ZNF644: variants seen among roughly 807,000 people sequenced by gnomAD.
The protein encoded by ZNF644 is zinc finger protein 644.
ZNF644 carries 20 observed loss-of-function variants against 108.0 expected under a neutral mutation model. That is an observed-to-expected ratio of 0.19 (90% confidence interval 0.13 to 0.27). The LOEUF is 0.27. ZNF644 is among the 10% of genes least tolerant of loss of function. The pLI, the probability that ZNF644 is intolerant of heterozygous loss-of-function variation, is 1.00. For synonymous variants in ZNF644, 542 were observed against 539.1 expected (o/e 1.01, Z -0.08); for missense variants, 1,338 against 1,548.9 (o/e 0.86, Z 2.29).
chr1:91,002,135 A>G (rs1255761145), intron 1 of ZNF644, among the ~76,000 whole-genome samples: 3 of 152,204 alleles, frequency 2.0e-5, no homozygotes, highest in Admixed American at 1.3e-4. Context: ...TGCCATCCCC[A>G]ACAAGCTACC....
At chr1:91,017,064 C>T (rs1310364266) in intron 1 of ZNF644, among the ~76,000 whole-genome samples, 1 of 152,162 alleles carries the variant, frequency 6.6e-6, no homozygotes, top group Non-Finnish European at 1.5e-5. Context: ...AACTCCTGAC[C>T]TCAAGTGATC....
At chr1:90,968,727 T>G (rs1465754692) in intron 2 of ZNF644, among the ~76,000 whole-genome samples, 1 of 152,314 alleles carries the variant, frequency 6.6e-6, no homozygotes, top group South Asian at 2.1e-4. Context: ...GAAGGTATAC[T>G]GTAACTCCCT....
chr1:90,957,547 A>G (rs1264286133), intron 2 of ZNF644, among the ~76,000 whole-genome samples: 2 of 152,254 alleles, frequency 1.3e-5, no homozygotes, highest in Non-Finnish European at 2.9e-5. Context: ...ATCTCAATGG[A>G]TGCAGAAAAA....
chr1:91,001,893 CAGAG>C (rs1304096413), intron 1 of ZNF644, among the ~76,000 whole-genome samples: 6 of 152,070 alleles, frequency 3.9e-5, no homozygotes, highest in African/African-American at 1.2e-4. Flanking sequence ...ACACCAATAA[CAGAG>C]AGCCAAATCA....
chr1:90,932,992 C>T (rs1650913429), intron 4 of ZNF644, among the ~76,000 whole-genome samples: 1 of 152,106 alleles, frequency 6.6e-6, no homozygotes. Flanking sequence ...TAAAATAACA[C>T]CCTCTTTTAT....
intron 4 of ZNF644, among the ~76,000 whole-genome samples, chr1:90,926,180 G>A (rs1407329391): frequency 6.6e-6 from 1 of 152,150 alleles, no homozygotes; most frequent in African/African-American, 2.4e-5. Context: ...GTTCTAGCTG[G>A]TCCATGAAGG....
At position 91,018,393 on chromosome 1, in the gene ZNF644, A is replaced by G. The variant is rs546213790; in HGVS notation, c.-18+3597T>C. Among the ~76,000 whole-genome samples, 8 of 152,358 alleles carry G rather than the reference A, an allele frequency of 5.3e-5. No homozygotes were observed. The East Asian group carries it at 9.6e-4, about 18-fold the overall frequency. ...TACTCAATATTTACAGATTCTCCAT[A>G]TACGAAATAGACATTCTCTCTACCA... is the stretch of plus-strand genomic sequence containing the variant. On this transcript the variant is annotated intron_variant, in intron 1 of 5. Coordinates refer to ENST00000337393, the MANE Select transcript of ZNF644 (RefSeq NM_201269.3).
chr1:90,924,895 G>T (rs1303377872), intron 4 of ZNF644, among the ~76,000 whole-genome samples: 1 of 152,020 alleles, frequency 6.6e-6, no homozygotes, highest in Admixed American at 6.6e-5. Context: ...TCTGCAGTAA[G>T]TGAGGAACTA....
chr1:90,938,873 A>G lies in ZNF644; in HGVS notation c.2481T>C (p.Asp827=). Residue 827 remains aspartate (D), a synonymous_variant, in exon 3 of 6, where the codon GAT becomes GAC. Coordinates refer to ENST00000337393, the MANE Select transcript of ZNF644 (RefSeq NM_201269.3). This position sits in a 1 kb window ranked among gnomAD's most constrained non-coding sequence, Gnocchi z 4.2. ...KESSVGGEDL[D]SYPDFLHKMT... ...TTTTATGCAAAAAATCTGGATAGCT[A>G]TCCAAGTCTTCCCCTCCAACAGAAC... 1 of 1,613,968 alleles carries G rather than the reference A, an allele frequency of 6.2e-7. No homozygotes were observed. Among genetic ancestry groups the G allele is most frequent in the Non-Finnish European group, 8.5e-7 (1 of 1,179,948 alleles).
intron 2 of ZNF644, among the ~76,000 whole-genome samples, chr1:90,947,544 A>T (rs1316757247): frequency 6.6e-6 from 1 of 152,204 alleles, no homozygotes; most frequent in African/African-American, 2.4e-5. Context: ...GTATTATGCC[A>T]TAAATTGTCA....
At chr1:90,975,129 G>A (rs1386039058) in intron 2 of ZNF644, among the ~76,000 whole-genome samples, 1 of 152,112 alleles carries the variant, frequency 6.6e-6, no homozygotes, top group African/African-American at 2.4e-5. Flanking sequence ...TCATTAAATA[G>A]ACATTTATTA....
chr1:90,959,111 A>G (rs1393609147), intron 2 of ZNF644, among the ~76,000 whole-genome samples: 2 of 152,214 alleles, frequency 1.3e-5, no homozygotes, highest in African/African-American at 4.8e-5. Flanking sequence ...ACGTGAACAG[A>G]TATTTCTCAA....
chr1:91,004,761 T>C lies in ZNF644; in HGVS notation c.-18+17229A>G, dbSNP rs1659248420. Among the ~76,000 whole-genome samples, 3 of 152,298 alleles carry C rather than the reference T, an allele frequency of 2.0e-5. No individual in the cohort carries two copies. In the South Asian group the frequency reaches 6.2e-4, roughly 32 times the overall value. On this transcript the variant is annotated intron_variant, in intron 1 of 5. Coordinates refer to ENST00000337393, the MANE Select transcript of ZNF644 (RefSeq NM_201269.3). Reference sequence around the variant, plus strand: ...TTGTATATTATTAAAATTTACAGTATTAATTTCAACTAGACTAAAATTAAG... The same window carrying C: ...TTGTATATTATTAAAATTTACAGTACTAATTTCAACTAGACTAAAATTAAG...
rs765278968 is a variant in ZNF644 at position 90,971,709 on chromosome 1, G to A, written c.44+10601C>T. On this transcript the variant is annotated intron_variant, in intron 2 of 5. Coordinates refer to ENST00000337393, the MANE Select transcript of ZNF644 (RefSeq NM_201269.3). ...TGGGATTACAGGTGTGAGCCACCAC[G>A]CCAGGGCAAGAAAAGCCCACTTCTA... 5.9e-5 allele frequency among the ~76,000 whole-genome samples: 9 copies of A among 151,974 alleles called. No individual in the cohort carries two copies. In the South Asian group the frequency reaches 6.2e-4, roughly 11 times the overall value.
intron 1 of ZNF644, among the ~76,000 whole-genome samples, chr1:90,994,931 G>C (rs1336498371): frequency 6.6e-6 from 1 of 152,106 alleles, no homozygotes; most frequent in East Asian, 1.9e-4. Flanking sequence ...GACCAAGTTT[G>C]CAGTCTGGGC....
At chr1:91,017,586 G>C (rs1660537281) in intron 1 of ZNF644, among the ~76,000 whole-genome samples, 1 of 152,082 alleles carries the variant, frequency 6.6e-6, no homozygotes, top group South Asian at 2.1e-4. Context: ...AATTGTCAAA[G>C]GATTTCTTAT....
At chr1:90,968,544 T>C (rs1162328471) in intron 2 of ZNF644, among the ~76,000 whole-genome samples, 1 of 152,212 alleles carries the variant, frequency 6.6e-6, no homozygotes, top group Non-Finnish European at 1.5e-5. Context: ...TAAATCTCTG[T>C]CACATTTATT....
intron 2 of ZNF644, among the ~76,000 whole-genome samples, chr1:90,944,916 C>A (rs893568618): frequency 2.6e-5 from 4 of 152,152 alleles, no homozygotes; most frequent in Non-Finnish European, 5.9e-5. Context: ...ATCTGTTGCA[C>A]TGAATAATTG....
chr1:90,986,215 C>T (rs1657077594), intron 1 of ZNF644, among the ~76,000 whole-genome samples: 1 of 151,802 alleles, frequency 6.6e-6, no homozygotes, highest in Non-Finnish European at 1.5e-5. Flanking sequence ...CCCAAAAACC[C>T]ATAACCACAG....
Sources: allele counts gnomAD v4.1 joint callset (sites outside exome capture counted in the v4.1 genomes callset), GRCh38; gene constraint gnomAD v4.1.1; non-coding constraint Gnocchi (gnomAD v3.1); transcripts MANE v1.5; gene names NCBI Gene and HGNC (gene_info 2026-07-23, HGNC 2026-07-21).